RFX3: variants seen among roughly 807,000 people sequenced by gnomAD.
The protein encoded by RFX3 is transcription factor RFX3.
Under a neutral mutation model 98.6 loss-of-function variants are expected in RFX3, and 14 were observed. The ratio of observed to expected loss-of-function variants is 0.14; its 90% CI spans 0.09 to 0.22. The LOEUF (loss-of-function observed/expected upper bound fraction) is 0.22, where lower values mean the gene tolerates loss of function less well. Ranked by LOEUF, RFX3 falls within the 10% of genes least tolerant of loss-of-function variation. The pLI is 1.00. For missense variants in RFX3, 639 were observed against 926.9 expected (o/e 0.69, Z 4.03); for synonymous variants, 383 against 328.4 (o/e 1.17, Z -1.80).
At chr9:3,270,564 TG>T in intron 10 of RFX3, 39 bp from the exon 11 acceptor site, 1 of 1,589,722 alleles carries the variant, frequency 6.3e-7, no homozygotes, top group Non-Finnish European at 8.6e-7. Context: ...AGATGGCAAA[TG>T]AGGATAAAAA....
intron 1 of RFX3, among the ~76,000 whole-genome samples, chr9:3,477,413 G>A (rs192146272): frequency 6.4e-4 from 97 of 152,244 alleles, no homozygotes; most frequent in Middle Eastern, 6.8e-3. Context: ...ATTTGGAAAC[G>A]TCTTAATTTC....
At chr9:3,435,929 G>A (rs1472255156) in intron 1 of RFX3, among the ~76,000 whole-genome samples, 1 of 151,344 alleles carries the variant, frequency 6.6e-6, no homozygotes, top group East Asian at 1.9e-4. Flanking sequence ...TGAATCATCT[G>A]CTCCCAGTTG....
chr9:3,298,007 T>C (rs1050956002), intron 5 of RFX3, among the ~76,000 whole-genome samples: 1 of 151,774 alleles, frequency 6.6e-6, no homozygotes, highest in Non-Finnish European at 1.5e-5. Flanking sequence ...TTGTCTGCAA[T>C]GAAAAGAATT....
At position 3,501,648 on chromosome 9, in the gene RFX3, C is replaced by T. The variant is rs578021414; in HGVS notation, c.-9+24099G>A. On this transcript the variant is annotated intron_variant, in intron 1 of 16. Transcript: ENST00000617270. ...GTCAGCTCACTGCAACCTCTATCTC[C>T]GAGGTTCAAGCGATTCTCGTGCCTC... 5.3e-5 allele frequency among the ~76,000 whole-genome samples: 8 copies of T among 150,528 alleles called. No homozygotes were observed. The East Asian group carries it at 1.4e-3, about 26-fold the overall frequency.
At chr9:3,245,350 G>C (rs1223399343) in intron 15 of RFX3, among the ~76,000 whole-genome samples, 3 of 152,184 alleles carry the variant, frequency 2.0e-5, no homozygotes, top group African/African-American at 7.2e-5. Context: ...TGAGAACAGA[G>C]AAAAGGCCAC....
At chr9:3,495,523 T>C (rs1193420131) in intron 1 of RFX3, among the ~76,000 whole-genome samples, 2 of 152,118 alleles carry the variant, frequency 1.3e-5, no homozygotes, top group Non-Finnish European at 2.9e-5. Context: ...GGCTTAATAA[T>C]ATGCACACAT....
chr9:3,410,309 A>G (rs75888268), intron 1 of RFX3, among the ~76,000 whole-genome samples: 1,615 of 152,050 alleles, frequency 0.011, 18 homozygotes, highest in East Asian at 0.031. Flanking sequence ...TACTTTACAT[A>G]GAGTATCTTG....
At chr9:3,267,212 A>G (rs1203219837) in intron 11 of RFX3, among the ~76,000 whole-genome samples, 1 of 152,012 alleles carries the variant, frequency 6.6e-6, no homozygotes, top group South Asian at 2.1e-4. Flanking sequence ...ATAGTAATGT[A>G]GAGGAAAATT....
intron 15 of RFX3, among the ~76,000 whole-genome samples, chr9:3,231,409 A>T (rs768200617): frequency 6.6e-6 from 1 of 152,144 alleles, no homozygotes; most frequent in African/African-American, 2.4e-5. Context: ...TCACTTACTC[A>T]TTTAGTCAAT....
intron 1 of RFX3, among the ~76,000 whole-genome samples, chr9:3,473,417 A>C (rs1438950388): frequency 2.0e-5 from 3 of 152,224 alleles, no homozygotes; most frequent in Non-Finnish European, 4.4e-5. Flanking sequence ...CTAGCCAAGA[A>C]GACTACCTAC....
At chr9:3,237,431 T>A (rs1459500456) in intron 15 of RFX3, among the ~76,000 whole-genome samples, 1 of 152,198 alleles carries the variant, frequency 6.6e-6, no homozygotes, top group Non-Finnish European at 1.5e-5. Flanking sequence ...TTTTATCAAT[T>A]TCAACTTTAT....
chr9:3,347,863 A>C (rs1452815336), intron 2 of RFX3, among the ~76,000 whole-genome samples: 1 of 152,184 alleles, frequency 6.6e-6, no homozygotes, highest in Non-Finnish European at 1.5e-5. Flanking sequence ...ATATCATTTC[A>C]CTGGTAAATA....
intron 4 of RFX3, among the ~76,000 whole-genome samples, chr9:3,304,309 T>TA (rs1201955172): frequency 2.6e-5 from 4 of 151,982 alleles, no homozygotes; most frequent in East Asian, 3.9e-4. Context: ...TTACATTTTT[T>TA]AAAAAACAGT....
rs1173377862 is a variant in RFX3, at chr9:3,266,398, C to G, written c.1358-93G>C. 5 of 722,666 alleles carry G rather than the reference C, an allele frequency of 6.9e-6. No homozygotes were observed. In the African/African-American group the frequency reaches 7.1e-5, roughly 10 times the overall value. 44.8% of individuals were successfully genotyped at this position (722,666 alleles called of 1,614,324 possible). A position where few individuals can be genotyped will look rare whatever the true frequency, so the allele number is the denominator to read the frequency against. On this transcript the variant is annotated intron_variant, in intron 11 of 16. Coordinates refer to ENST00000617270, the MANE Select transcript of RFX3 (RefSeq NM_001282116.2). Reference sequence around the variant, plus strand: ...AAAAGAAAATGCTCGTACACAATATCTGATACAGCACAGAACTCATATTGT... The same window carrying G: ...AAAAGAAAATGCTCGTACACAATATGTGATACAGCACAGAACTCATATTGT...
chr9:3,274,377 G>A (rs1304723934), intron 9 of RFX3, among the ~76,000 whole-genome samples: 4 of 152,144 alleles, frequency 2.6e-5, no homozygotes, highest in African/African-American at 7.2e-5. Context: ...AATATCCCTG[G>A]AATAAAGCTA....
rs1827604139 is a variant in RFX3 at position 3,293,265 on chromosome 9, A to G, written c.550-7T>C. On this transcript the variant is annotated splice_polypyrimidine_tract_variant and splice_region_variant and intron_variant, in intron 5 of 16. Coordinates refer to ENST00000617270, the MANE Select transcript of RFX3 (RefSeq NM_001282116.2). The stretch of plus-strand genomic sequence containing the variant: ...TGTCCAACAGCCACTGGAGCTAGGG[A>G]AATAAGACACAATAAACACAGACAA... The G allele has an allele frequency of 6.3e-7, 1 of 1,585,846 alleles. No individual in the cohort carries two copies. The highest frequency in any genetic ancestry group is 1.9e-5 in the Admixed American group (1 of 53,670).
intron 1 of RFX3, among the ~76,000 whole-genome samples, chr9:3,504,877 T>TA (rs1816665890): frequency 1.3e-5 from 1 of 75,664 alleles, no homozygotes; most frequent in Admixed American, 2.4e-4. Context: ...ATATTATATA[T>TA]ATTATATATA....
chr9:3,280,194 A>G (rs954315030), intron 7 of RFX3, among the ~76,000 whole-genome samples: 1 of 151,826 alleles, frequency 6.6e-6, no homozygotes, highest in Non-Finnish European at 1.5e-5. Context: ...AGCCAGAAGC[A>G]TATGTTATGC....
At chr9:3,283,822 T>A (rs754775686) in intron 7 of RFX3, among the ~76,000 whole-genome samples, 1 of 151,174 alleles carries the variant, frequency 6.6e-6, no homozygotes, top group Non-Finnish European at 1.5e-5. Context: ...TAAAATGTGA[T>A]TTCTCCCTTT....
Sources: gnomAD v4.1 joint callset for allele counts (sites outside exome capture counted in the v4.1 genomes callset) on GRCh38, gnomAD v4.1.1 for gene constraint, MANE v1.5 for transcripts, NCBI Gene and HGNC (gene_info 2026-07-23, HGNC 2026-07-21) for gene names.